Variants in CTIF observed in about 807,000 individuals in gnomAD.
The protein encoded by CTIF is CBP80/20-dependent translation initiation factor.
Under a neutral mutation model 66.0 loss-of-function variants are expected in CTIF, and 21 were observed. The observed-to-expected ratio is 0.32, with a 90% CI of 0.23 to 0.46. The LOEUF (loss-of-function observed/expected upper bound fraction) is 0.46, where lower values mean the gene tolerates loss of function less well. Among genes scored for constraint, CTIF ranks in the 20% least tolerant of loss-of-function variants. The pLI is 1.00. For synonymous variants in CTIF, 345 were observed against 326.4 expected (o/e 1.06, Z -0.62); for missense variants, 739 against 812.7 (o/e 0.91, Z 1.10).
chr18:48,771,045 G>T (rs1174498197), intron 9 of CTIF, among the ~76,000 whole-genome samples: 1 of 152,116 alleles, frequency 6.6e-6, no homozygotes, highest in African/African-American at 2.4e-5. Flanking sequence ...GGCAATGAGT[G>T]CTTTTAGACT....
At chr18:48,634,793 CA>C (rs2144606894) in intron 2 of CTIF, among the ~76,000 whole-genome samples, 1 of 152,332 alleles carries the variant, frequency 6.6e-6, no homozygotes, top group Admixed American at 6.5e-5. Flanking sequence ...TCTAGGGCTC[CA>C]CTGACCCTTA....
At chr18:48,825,501 A>G (rs1460821498) in intron 10 of CTIF, among the ~76,000 whole-genome samples, 1 of 152,228 alleles carries the variant, frequency 6.6e-6, no homozygotes, top group Non-Finnish European at 1.5e-5. Flanking sequence ...AATTGCTCAC[A>G]TTGTTTTGGC....
chr18:48,733,629 C>G (rs1370112672), intron 7 of CTIF, among the ~76,000 whole-genome samples: 1 of 152,234 alleles, frequency 6.6e-6, no homozygotes, highest in Non-Finnish European at 1.5e-5. Flanking sequence ...GGGTGCTGAG[C>G]TGGCACATCC....
intron 9 of CTIF, among the ~76,000 whole-genome samples, chr18:48,789,617 G>C (rs2146120614): frequency 6.6e-6 from 1 of 152,274 alleles, no homozygotes; most frequent in Admixed American, 6.5e-5. Context: ...CTCAGTATTG[G>C]TATGATGTCA....
At chr18:48,735,221 G>A (rs751185950) in intron 7 of CTIF, among the ~76,000 whole-genome samples, 34 of 152,154 alleles carry the variant, frequency 2.2e-4, no homozygotes, top group Non-Finnish European at 4.7e-4. Context: ...AACCTGATCC[G>A]TCTCTGCAAT....
At chr18:48,600,257 C>CG (rs949673846) in intron 1 of CTIF, among the ~76,000 whole-genome samples, 2 of 152,032 alleles carry the variant, frequency 1.3e-5, no homozygotes, top group Non-Finnish European at 2.9e-5. Context: ...AGTGACTTGG[C>CG]GCTGGGGAGA....
intron 2 of CTIF, among the ~76,000 whole-genome samples, chr18:48,633,968 G>A (rs1194913385): frequency 6.6e-6 from 1 of 152,140 alleles, no homozygotes; most frequent in Non-Finnish European, 1.5e-5. Flanking sequence ...CTTAACTAGA[G>A]GCTTTATTCA....
chr18:48,770,784 G>T (rs1431605047), intron 9 of CTIF, among the ~76,000 whole-genome samples: 1 of 152,178 alleles, frequency 6.6e-6, no homozygotes, highest in African/African-American at 2.4e-5. Flanking sequence ...CTGCACCCAC[G>T]TTTCCGTCCT....
At chr18:48,670,588 C>A in intron 5 of CTIF, 81 bp from the exon 6 acceptor site, 1 of 1,285,962 alleles carries the variant, frequency 7.8e-7, no homozygotes, top group Non-Finnish European at 1.1e-6. Flanking sequence ...TGCTGACTGT[C>A]CCTCCTCTCC....
intron 2 of CTIF, among the ~76,000 whole-genome samples, chr18:48,633,681 G>A (rs1473869197): frequency 1.3e-5 from 2 of 150,608 alleles, no homozygotes; most frequent in East Asian, 2.0e-4. Context: ...CAGCCTGGGC[G>A]ACAGAATGAG....
chr18:48,676,778 C>T (rs1269410946), intron 6 of CTIF, among the ~76,000 whole-genome samples: 1 of 151,846 alleles, frequency 6.6e-6, no homozygotes, highest in African/African-American at 2.4e-5. Flanking sequence ...GTTCCTTCCT[C>T]GTTCTTCTGC....
intron 6 of CTIF, among the ~76,000 whole-genome samples, chr18:48,701,530 TC>T (rs68132778): frequency 6.6e-6 from 1 of 151,488 alleles, no homozygotes; most frequent in Non-Finnish European, 1.5e-5. Flanking sequence ...AGTGCCTCCG[TC>T]CCCCAGCCCC....
chr18:48,562,326 T>C (rs2089182213), intron 1 of CTIF, among the ~76,000 whole-genome samples: 1 of 152,260 alleles, frequency 6.6e-6, no homozygotes, highest in East Asian at 1.9e-4. Context: ...GTAACTTGCC[T>C]CAGGTCACAC....
chr18:48,592,082 G>A (rs772565240), intron 1 of CTIF, among the ~76,000 whole-genome samples: 34 of 152,160 alleles, frequency 2.2e-4, no homozygotes, highest in Non-Finnish European at 2.9e-4. Flanking sequence ...GAAACACCCC[G>A]GTATTATCTG....
At chr18:48,778,715 G>A (rs1162829167) in intron 9 of CTIF, among the ~76,000 whole-genome samples, 2 of 152,184 alleles carry the variant, frequency 1.3e-5, no homozygotes, top group Non-Finnish European at 2.9e-5. Flanking sequence ...CGGTGAGGAT[G>A]GGCATGGAGT....
In CTIF at chr18:48,558,452, G is replaced by A. The variant is rs546734612; in HGVS notation, c.-29+19140G>A. The stretch of plus-strand genomic sequence containing the variant: ...GTTTGGGTTGGGTTTGTGTCACTTG[G>A]CACTGGTAGAGTTTTGAATAATACA... On this transcript the variant is annotated intron_variant, in intron 1 of 11. Coordinates refer to ENST00000256413, the MANE Select transcript of CTIF (RefSeq NM_014772.3). 7.9e-5 allele frequency among the ~76,000 whole-genome samples: 12 copies of A among 152,290 alleles called. 2 individuals carry two copies. The highest frequency in any genetic ancestry group is 2.9e-4 in the African/African-American group (12 of 41,560).
chr18:48,576,538 C>A (rs540901260), intron 1 of CTIF, among the ~76,000 whole-genome samples: 1 of 152,218 alleles, frequency 6.6e-6, no homozygotes, highest in Non-Finnish European at 1.5e-5. Flanking sequence ...CTTCAGCCAA[C>A]ACAAACAGCA....
At chr18:48,773,981 G>A (rs1047179625) in intron 9 of CTIF, among the ~76,000 whole-genome samples, 7 of 152,124 alleles carry the variant, frequency 4.6e-5, no homozygotes, top group Admixed American at 1.3e-4. Flanking sequence ...TGTTCAGGGT[G>A]GCCAGGTTCC....
chr18:48,610,007 G>A (rs2090276852), intron 1 of CTIF, among the ~76,000 whole-genome samples: 1 of 152,158 alleles, frequency 6.6e-6, no homozygotes, highest in Non-Finnish European at 1.5e-5. Flanking sequence ...GTGGGCGGAA[G>A]AGCTGAGGAG....
Sources: allele counts gnomAD v4.1 joint callset (sites outside exome capture counted in the v4.1 genomes callset), GRCh38; gene constraint gnomAD v4.1.1; transcripts MANE v1.5; gene names NCBI Gene and HGNC (gene_info 2026-07-23, HGNC 2026-07-21).